NOD1: variants seen among roughly 807,000 people sequenced by gnomAD.
The protein encoded by NOD1 is nucleotide-binding oligomerization domain-containing protein 1.
Under a neutral mutation model 81.2 loss-of-function variants are expected in NOD1, and 70 were observed. The ratio of observed to expected loss-of-function variants is 0.86; its 90% CI spans 0.71 to 1.05. The LOEUF (loss-of-function observed/expected upper bound fraction) is 1.05, where lower values mean the gene tolerates loss of function less well. Among genes scored for constraint, NOD1 ranks in the 50% least tolerant of loss-of-function variants. The pLI is 0.00. For missense variants in NOD1, 1,233 were observed against 1,228.0 expected (o/e 1.00, Z -0.06); for synonymous variants, 508 against 526.9 (o/e 0.96, Z 0.49).
At position 30,451,426 on chromosome 7, in the gene NOD1, C is replaced by A; in HGVS notation, c.1991G>T (p.Ser664Ile). ...GGCCGCCAGCTGCCCCACCTTCTGGCTCTGTGTCTCGTAGATGCAGCGCAG... is the reference window on the plus strand; with the variant it reads ...GGCCGCCAGCTGCCCCACCTTCTGGATCTGTGTCTCGTAGATGCAGCGCAG... ...WMLRCIYETQ[S>I]QKVGQLAARG... The change falls in exon 6 of 14, where the codon AGC becomes ATC. Residue 664 changes from serine to isoleucine, a missense_variant. Physicochemically the swap from Ser to Ile is moderately radical, Grantham distance 142. Transcript: ENST00000222823. The surrounding 1 kb of genome is among the most constrained non-coding windows in gnomAD (Gnocchi z 4.2). The A allele has an allele frequency of 6.2e-7, 1 of 1,613,904 alleles. No homozygotes were observed. Among genetic ancestry groups the A allele is most frequent in the South Asian group, 1.1e-5 (1 of 91,078 alleles).
intron 1 of NOD1, among the ~76,000 whole-genome samples, chr7:30,472,887 C>G (rs1788411959): frequency 6.6e-6 from 1 of 152,218 alleles, no homozygotes; most frequent in Admixed American, 6.5e-5. Flanking sequence ...CCGGCAGCCT[C>G]CAAATTCCAT....
chr7:30,470,161 T>A (rs927078978), intron 1 of NOD1, among the ~76,000 whole-genome samples: 1 of 152,270 alleles, frequency 6.6e-6, no homozygotes, highest in African/African-American at 2.4e-5. Context: ...TAATGCTCTC[T>A]TCTGTGCTTC....
chr7:30,462,725 G>C (rs1166593419), intron 1 of NOD1, among the ~76,000 whole-genome samples: 1 of 152,074 alleles, frequency 6.6e-6, no homozygotes, highest in Non-Finnish European at 1.5e-5. Flanking sequence ...AAGGCAGGTG[G>C]ATCACTTGAG....
chr7:30,445,278 T>TAAAAAAAAAAAAAAAA (rs55875433), intron 9 of NOD1, among the ~76,000 whole-genome samples: 1 of 69,180 alleles, frequency 1.4e-5, no homozygotes, highest in Non-Finnish European at 2.5e-5. Context: ...AAAAAGAATC[T>TAAAAAAAAAAAAAAAA]AAAAAAAAAA....
chr7:30,433,004 T>C (rs1386183724), intron 12 of NOD1, 92 bp downstream of exon 12: 5 of 974,364 alleles, frequency 5.1e-6, no homozygotes, highest in African/African-American at 3.3e-5. Flanking sequence ...TTGTATACTT[T>C]AAGAGAGTGA....
chr7:30,452,955 C>T lies in NOD1; in HGVS notation c.462G>A (p.Leu154=). 3 of 1,613,972 alleles carry T rather than the reference C, an allele frequency of 1.9e-6. No homozygotes were observed. Among genetic ancestry groups the T allele is most frequent in the Non-Finnish European group, 2.5e-6 (3 of 1,180,000 alleles). ...TGGTGTCCATGTAGATCTCCTCCAG[C>T]AGCAGCTCCTCCTTCTGGGCATAGC... The part of the protein sequence containing the change: ...VLCYAQKEEL[L]LEEIYMDTIM... Residue 154 remains leucine (L), a synonymous_variant, in exon 6 of 14, where the codon CTG becomes CTA. Coordinates refer to ENST00000222823, the MANE Select transcript of NOD1 (RefSeq NM_006092.4).
At chr7:30,458,934 A>G (rs996199440) in intron 3 of NOD1, among the ~76,000 whole-genome samples, 2 of 151,994 alleles carry the variant, frequency 1.3e-5, no homozygotes, top group Admixed American at 6.6e-5. Context: ...ACAGGGTTTC[A>G]CCACGTTGGC....
chr7:30,451,210 C>T lies in NOD1; in HGVS notation c.2201+6G>A. ...ACCTGTTGCTCCCCTTGCCTGGCAG[C>T]CTCACCTGAGAACAGTGAGGCGGCT... is the stretch of plus-strand genomic sequence containing the variant. On this transcript the variant is annotated splice_donor_region_variant and intron_variant, in intron 6 of 13. Coordinates refer to ENST00000222823, the MANE Select transcript of NOD1 (RefSeq NM_006092.4). The surrounding 1 kb of genome is among the most constrained non-coding windows in gnomAD (Gnocchi z 4.2). The T allele has an allele frequency of 6.2e-7, 1 of 1,608,572 alleles. No individual in the cohort carries two copies. Among genetic ancestry groups the T allele is most frequent in the Non-Finnish European group, 8.5e-7 (1 of 1,176,182 alleles).
At chr7:30,445,512 A>G (rs1018641661) in intron 9 of NOD1, among the ~76,000 whole-genome samples, 1 of 151,898 alleles carries the variant, frequency 6.6e-6, no homozygotes, top group East Asian at 1.9e-4. Flanking sequence ...TAATCCTGAC[A>G]CTTTGGGAGA....
intron 1 of NOD1, chr7:30,469,146 C>T (rs1788011612): frequency 1.0e-6 from 1 of 985,350 alleles, no homozygotes; most frequent in African/African-American, 1.7e-5. Context: ...GCTTGGTTTA[C>T]AATTTCTTAA....
At chr7:30,473,083 G>A (rs1788429686) in intron 1 of NOD1, among the ~76,000 whole-genome samples, 1 of 152,168 alleles carries the variant, frequency 6.6e-6, no homozygotes, top group African/African-American at 2.4e-5. Flanking sequence ...CAGGGTAGGG[G>A]GCCAGCAGAG....
intron 6 of NOD1, 115 bp from the exon 7 acceptor site, chr7:30,448,496 G>A (rs1387164285): frequency 1.2e-5 from 10 of 865,116 alleles, no homozygotes; most frequent in Non-Finnish European, 1.5e-5. Context: ...AGGTATAGAC[G>A]CCCCTGGAGA....
chr7:30,456,605 T>C, intron 4 of NOD1, 116 bp downstream of exon 4: 3 of 844,624 alleles, frequency 3.6e-6, no homozygotes, highest in Non-Finnish European at 5.8e-6. Context: ...TACCCCAAAA[T>C]GCAGCCCTGC....
At chr7:30,426,744 G>C (rs1783490101) in intron 13 of NOD1, among the ~76,000 whole-genome samples, 2 of 152,012 alleles carry the variant, frequency 1.3e-5, no homozygotes, top group Non-Finnish European at 2.9e-5. Flanking sequence ...CTTCCACACT[G>C]TCTGAACCCT....
chr7:30,462,098 T>C (rs1392567328), intron 1 of NOD1, among the ~76,000 whole-genome samples: 1 of 152,214 alleles, frequency 6.6e-6, no homozygotes, highest in Non-Finnish European at 1.5e-5. Flanking sequence ...AGACAGAGGT[T>C]AAAGACGTGA....
chr7:30,436,511 G>A (rs547780648), intron 10 of NOD1, among the ~76,000 whole-genome samples: 42 of 152,370 alleles, frequency 2.8e-4, no homozygotes, highest in South Asian at 1.4e-3. Flanking sequence ...CAGCAGCAGA[G>A]CCGTGGACAT....
chr7:30,446,234 G>C lies in NOD1; in HGVS notation c.2370-10C>G, dbSNP rs1333599964. On this transcript the variant is annotated splice_polypyrimidine_tract_variant and intron_variant, in intron 8 of 13. Coordinates refer to ENST00000222823, the MANE Select transcript of NOD1 (RefSeq NM_006092.4). The stretch of plus-strand genomic sequence containing the variant: ...TTTGTTTTTTCCCAGTCTGCAGAGA[G>C]AGTCACACACAGTCAGCCTCCAGCT... 3 of 1,609,140 alleles carry C rather than the reference G, an allele frequency of 1.9e-6. No homozygotes were observed. Among genetic ancestry groups the C allele is most frequent in the Admixed American group, 1.7e-5 (1 of 60,026 alleles).
chr7:30,474,772 T>A (rs939284090), intron 1 of NOD1, among the ~76,000 whole-genome samples: 1 of 152,220 alleles, frequency 6.6e-6, no homozygotes, highest in Non-Finnish European at 1.5e-5. Flanking sequence ...AAAACAGGAA[T>A]TGGATCCTGG....
intron 4 of NOD1, among the ~76,000 whole-genome samples, chr7:30,456,315 G>A (rs1408286127): frequency 5.3e-5 from 8 of 152,222 alleles, no homozygotes; most frequent in Non-Finnish European, 1.2e-4. Flanking sequence ...ACCGTGGGAT[G>A]TCATCATTCC....
Sources: gnomAD v4.1 joint callset for allele counts (sites outside exome capture counted in the v4.1 genomes callset) on GRCh38, gnomAD v4.1.1 for gene constraint, Gnocchi (gnomAD v3.1) non-coding constraint, MANE v1.5 for transcripts, NCBI Gene and HGNC (gene_info 2026-07-23, HGNC 2026-07-21) for gene names.